CENPP: variants seen among roughly 807,000 people sequenced by gnomAD.
CENPP encodes the protein centromere protein P.
CENPP carries 24 observed loss-of-function variants against 35.6 expected under a neutral mutation model. That is an observed-to-expected ratio of 0.67 (90% CI 0.49 to 0.95). CENPP has a LOEUF of 0.95. Ranked by LOEUF, CENPP falls within the 40% of genes least tolerant of loss-of-function variation. The pLI, the probability that CENPP is intolerant of heterozygous loss-of-function variation, is 0.00. For synonymous variants in CENPP, 120 were observed against 125.5 expected (o/e 0.96, Z 0.29); for missense variants, 332 against 345.3 (o/e 0.96, Z 0.31).
intron 5 of CENPP, chr9:92,404,812 C>T (rs1041656558): frequency 3.2e-6 from 1 of 317,256 alleles, no homozygotes; most frequent in African/African-American, 2.3e-5. Flanking sequence ...AATAAACATT[C>T]ATGTTTTGGT....
intron 5 of CENPP, among the ~76,000 whole-genome samples, chr9:92,382,440 G>A (rs1037358695): frequency 6.6e-6 from 1 of 151,966 alleles, no homozygotes; most frequent in African/African-American, 2.4e-5. Flanking sequence ...TCTTACAATG[G>A]TATAGAACTT....
chr9:92,562,846 A>T (rs201245899), intron 5 of CENPP, among the ~76,000 whole-genome samples: 2 of 152,170 alleles, frequency 1.3e-5, no homozygotes, highest in East Asian at 3.8e-4. Flanking sequence ...GATGTAACCC[A>T]TCACTTATGG....
chr9:92,558,279 G>A (rs568757461), intron 5 of CENPP, among the ~76,000 whole-genome samples: 1 of 152,282 alleles, frequency 6.6e-6, no homozygotes, highest in South Asian at 2.1e-4. Flanking sequence ...TTCTATCAGA[G>A]GGAAGGTCTA....
intron 1 of CENPP, among the ~76,000 whole-genome samples, chr9:92,327,950 C>T (rs574523097): frequency 2.0e-5 from 3 of 152,264 alleles, no homozygotes; most frequent in African/African-American, 7.2e-5. Context: ...CTTACGATCT[C>T]TATTTTAACA....
intron 5 of CENPP, among the ~76,000 whole-genome samples, chr9:92,506,342 T>C (rs1847006400): frequency 2.0e-5 from 3 of 152,204 alleles, no homozygotes; most frequent in African/African-American, 7.2e-5. Flanking sequence ...AAATTCTCCA[T>C]GCATTCAGAT....
chr9:92,520,006 A>G (rs1231769406), intron 5 of CENPP, among the ~76,000 whole-genome samples: 2 of 103,474 alleles, frequency 1.9e-5, no homozygotes, highest in South Asian at 4.8e-4. Context: ...AACTTGCCCA[A>G]TACAGTGGCT....
intron 5 of CENPP, among the ~76,000 whole-genome samples, chr9:92,450,929 T>G: frequency 6.6e-6 from 1 of 152,212 alleles, no homozygotes; most frequent in Non-Finnish European, 1.5e-5. Context: ...GTTCGCCCAC[T>G]TTTTGATGGG....
intron 4 of CENPP, among the ~76,000 whole-genome samples, chr9:92,348,321 A>G (rs1588048147): frequency 6.8e-6 from 1 of 147,780 alleles, no homozygotes; most frequent in East Asian, 2.0e-4. Context: ...TCATTTCTTT[A>G]TTTCATTCTT....
intron 5 of CENPP, among the ~76,000 whole-genome samples, chr9:92,518,294 G>A (rs760742208): frequency 6.6e-6 from 1 of 152,120 alleles, no homozygotes; most frequent in Non-Finnish European, 1.5e-5. Flanking sequence ...TGATCACTGC[G>A]GTAGTGGAAA....
chr9:92,528,375 C>T (rs1848542866), intron 5 of CENPP, among the ~76,000 whole-genome samples: 3 of 151,662 alleles, frequency 2.0e-5, no homozygotes, highest in African/African-American at 7.2e-5. Flanking sequence ...AATCTGAGGA[C>T]ACCAAAGAGA....
At chr9:92,341,240 G>A (rs1051417899) in intron 3 of CENPP, among the ~76,000 whole-genome samples, 1 of 152,210 alleles carries the variant, frequency 6.6e-6, no homozygotes, top group Admixed American at 6.5e-5. Flanking sequence ...AATGGTACCT[G>A]AAACTTCATT....
intron 4 of CENPP, among the ~76,000 whole-genome samples, chr9:92,347,947 G>A (rs1841338861): frequency 6.6e-6 from 1 of 151,960 alleles, no homozygotes; most frequent in Admixed American, 6.6e-5. Context: ...GTTTTGAGAT[G>A]GAGTCTTACT....
intron 3 of CENPP, among the ~76,000 whole-genome samples, chr9:92,343,836 A>G (rs939762600): frequency 4.6e-5 from 7 of 151,946 alleles, no homozygotes; most frequent in Non-Finnish European, 1.0e-4. Context: ...GGTTACTTAC[A>G]TATATAGTCC....
chr9:92,526,825 A>T (rs1848444227), intron 5 of CENPP, among the ~76,000 whole-genome samples: 2 of 152,182 alleles, frequency 1.3e-5, no homozygotes, highest in African/African-American at 2.4e-5. Flanking sequence ...TACAGTGTTT[A>T]TAAAATTTAC....
chr9:92,619,977 G>A lies in CENPP; in HGVS notation c.*6828G>A. 4.8e-6 allele frequency: 1 copy of A among 210,132 alleles called. No individual in the cohort carries two copies. Among genetic ancestry groups the A allele is most frequent in the Non-Finnish European group, 1.0e-5 (1 of 99,338 alleles). The allele number at this position is 210,132 out of a possible 1,614,324, so 13.0% of individuals were successfully genotyped here. A position where few individuals can be genotyped will look rare whatever the true frequency, so the allele number is the denominator to read the frequency against. On this transcript the variant is annotated 3_prime_UTR_variant, in exon 8 of 8. Transcript: ENST00000375587. ...CGACACCTGCAAGGAGAGCGCAGGG[G>A]GTGTTCAGCAAGGCATCGCTTAGAA...
intron 3 of CENPP, among the ~76,000 whole-genome samples, chr9:92,338,706 C>T (rs1841011421): frequency 6.6e-6 from 1 of 151,894 alleles, no homozygotes; most frequent in African/African-American, 2.4e-5. Flanking sequence ...TTAATTATCT[C>T]ACCTATTTTG....
At chr9:92,451,485 T>C (rs1011041276) in intron 5 of CENPP, among the ~76,000 whole-genome samples, 10 of 151,456 alleles carry the variant, frequency 6.6e-5, no homozygotes, top group African/African-American at 2.2e-4. Context: ...TACCATGCTG[T>C]TTTGGTTACT....
At chr9:92,460,056 C>CTTTT (rs869237016) in intron 5 of CENPP, among the ~76,000 whole-genome samples, 9 of 109,566 alleles carry the variant, frequency 8.2e-5, no homozygotes, top group Non-Finnish European at 1.5e-4. Flanking sequence ...AACGGTGGTT[C>CTTTT]TTTTTTTTTT....
chr9:92,395,916 G>A (rs1014998079), intron 5 of CENPP, among the ~76,000 whole-genome samples: 1 of 150,424 alleles, frequency 6.6e-6, no homozygotes, highest in African/African-American at 2.4e-5. Context: ...CATGGTTTCT[G>A]TGTTGTATTT....
Sources: gnomAD v4.1 joint callset for allele counts (sites outside exome capture counted in the v4.1 genomes callset) on GRCh38, gnomAD v4.1.1 for gene constraint, MANE v1.5 for transcripts, NCBI Gene and HGNC (gene_info 2026-07-23, HGNC 2026-07-21) for gene names.